SAMD12: variants seen among roughly 807,000 people sequenced by gnomAD.
SAMD12 encodes the protein sterile alpha motif domain containing 12.
In SAMD12, 9 loss-of-function variants were observed where a neutral mutation model predicts 15.0. The observed-to-expected ratio is 0.60, with a 90% CI of 0.36 to 1.05. The LOEUF is 1.05. Among genes scored for constraint, SAMD12 ranks in the 50% least tolerant of loss-of-function variants. SAMD12 has a pLI of 0.01. For missense variants in SAMD12, 230 were observed against 234.2 expected (o/e 0.98, Z 0.12); for synonymous variants, 86 against 90.1 (o/e 0.96, Z 0.25).
chr8:118,283,552 T>C (rs1813765725), intron 4 of SAMD12, among the ~76,000 whole-genome samples: 1 of 152,184 alleles, frequency 6.6e-6, no homozygotes. Context: ...ATTCCCAATC[T>C]GAATCGGCAC....
chr8:118,552,198 A>G (rs1470946328), intron 2 of SAMD12, among the ~76,000 whole-genome samples: 1 of 152,176 alleles, frequency 6.6e-6, no homozygotes, highest in East Asian at 1.9e-4. Flanking sequence ...TCATCCTGAT[A>G]CCAAAGCCGG....
intron 1 of SAMD12, among the ~76,000 whole-genome samples, chr8:118,581,991 C>T (rs1308122108): frequency 1.3e-5 from 2 of 152,124 alleles, no homozygotes; most frequent in Non-Finnish European, 2.9e-5. Context: ...CATTCTTCCC[C>T]TCCAGCCAGC....
chr8:118,511,807 A>T (rs1181600283), intron 2 of SAMD12, among the ~76,000 whole-genome samples: 1 of 152,220 alleles, frequency 6.6e-6, no homozygotes, highest in African/African-American at 2.4e-5. Flanking sequence ...CATTGTGATG[A>T]CATTAAAGGT....
At chr8:118,350,879 T>C (rs965307636) in intron 4 of SAMD12, among the ~76,000 whole-genome samples, 1 of 152,210 alleles carries the variant, frequency 6.6e-6, no homozygotes, top group Non-Finnish European at 1.5e-5. Context: ...ATATTCACAA[T>C]GGGAAACCTG....
chr8:118,550,332 T>G (rs1006986685), intron 2 of SAMD12, among the ~76,000 whole-genome samples: 18 of 152,240 alleles, frequency 1.2e-4, no homozygotes, highest in African/African-American at 3.1e-4. Context: ...TGGATCTCTC[T>G]GCAGAAACCC....
At chr8:118,342,223 T>C (rs1268898177) in intron 4 of SAMD12, among the ~76,000 whole-genome samples, 2 of 144,986 alleles carry the variant, frequency 1.4e-5, no homozygotes, top group Non-Finnish European at 3.0e-5. Context: ...ACCCAGGAAG[T>C]GGGGGTTGCA....
the SAMD12 span, among the ~76,000 whole-genome samples, chr8:118,132,972 G>GTATATATA: frequency 4.8e-4 from 23 of 48,240 alleles, 1 homozygote; most frequent in Non-Finnish European, 7.6e-4. Context: ...GTGTGTGTGT[G>GTATATATA]TATATATATA....
intron 2 of SAMD12, among the ~76,000 whole-genome samples, chr8:118,440,453 T>C (rs561437029): frequency 1.6e-4 from 24 of 152,218 alleles, no homozygotes; most frequent in Admixed American, 1.6e-3. Context: ...GAACTGCAAG[T>C]CTGCCTGGGG....
intron 4 of SAMD12, among the ~76,000 whole-genome samples, chr8:118,351,978 AT>A (rs1817985295): frequency 6.6e-6 from 1 of 152,124 alleles, no homozygotes; most frequent in African/African-American, 2.4e-5. Flanking sequence ...CAACCAATGT[AT>A]TTGGCCCATT....
intron 3 of SAMD12, among the ~76,000 whole-genome samples, chr8:118,415,484 T>TGTGTGG (rs1177705706): frequency 6.6e-6 from 1 of 150,964 alleles, no homozygotes; most frequent in African/African-American, 2.5e-5. Context: ...TGTGTGTGTG[T>TGTGTGG]GTGTAGACTA....
At chr8:118,614,293 A>G (rs1586858366) in intron 1 of SAMD12, among the ~76,000 whole-genome samples, 1 of 152,156 alleles carries the variant, frequency 6.6e-6, no homozygotes, top group African/African-American at 2.4e-5. Context: ...AACCTTCTCA[A>G]CATGCCTATG....
chr8:118,197,047 G>A (rs749975080), exon 5 of SAMD12: 3 of 151,710 alleles, frequency 2.0e-5, no homozygotes, highest in African/African-American at 4.8e-5. Context: ...GGGGATATGC[G>A]AGTAGTGGAG....
the SAMD12 span, among the ~76,000 whole-genome samples, chr8:118,183,560 A>T: frequency 2.6e-5 from 4 of 151,268 alleles, no homozygotes; most frequent in Non-Finnish European, 5.9e-5. Context: ...TGAGATTTTT[A>T]TGTTTCCCAG....
At chr8:118,311,662 C>T (rs772232185) in intron 4 of SAMD12, among the ~76,000 whole-genome samples, 7 of 152,212 alleles carry the variant, frequency 4.6e-5, no homozygotes, top group Non-Finnish European at 7.3e-5. Context: ...TATTAAGTCT[C>T]TCAGAAAAGA....
the SAMD12 span, among the ~76,000 whole-genome samples, chr8:118,138,398 T>G: frequency 6.6e-6 from 1 of 152,152 alleles, no homozygotes; most frequent in Non-Finnish European, 1.5e-5. Context: ...GGGAGGAGAT[T>G]TGTTCAAGGG....
chr8:118,473,780 T>C (rs1823878050), intron 2 of SAMD12, among the ~76,000 whole-genome samples: 2 of 152,164 alleles, frequency 1.3e-5, no homozygotes, highest in Admixed American at 1.3e-4. Context: ...CTGCTTATTC[T>C]ATGAGGTGCA....
intron 2 of SAMD12, among the ~76,000 whole-genome samples, chr8:118,507,172 C>T (rs1414597733): frequency 6.6e-6 from 1 of 151,962 alleles, no homozygotes; most frequent in Non-Finnish European, 1.5e-5. Flanking sequence ...CTTGTGCCTT[C>T]CCATCTTTCC....
At chr8:118,178,195 C>T in the SAMD12 span, among the ~76,000 whole-genome samples, 15,251 of 152,178 alleles carry the variant, frequency 0.1, 2,052 homozygotes, top group African/African-American at 0.3. Flanking sequence ...AAGCCCCATA[C>T]ATTTAGTGTA....
chr8:118,568,817 T>G (rs946272654), intron 2 of SAMD12, among the ~76,000 whole-genome samples: 2 of 152,168 alleles, frequency 1.3e-5, no homozygotes, highest in Non-Finnish European at 2.9e-5. Context: ...TAAAAGCGTA[T>G]TTTGCTCCTT....
Sources: allele counts gnomAD v4.1 joint callset (sites outside exome capture counted in the v4.1 genomes callset), GRCh38; gene constraint gnomAD v4.1.1; transcripts MANE v1.5; gene names NCBI Gene and HGNC (gene_info 2026-07-23, HGNC 2026-07-21).